The following STXBP6 variants were observed in gnomAD, a reference collection of about 807,000 sequenced individuals.
The protein encoded by STXBP6 is syntaxin binding protein 6.
STXBP6 carries 21 observed loss-of-function variants against 26.9 expected under a neutral mutation model. The observed-to-expected ratio is 0.78, with a 90% CI of 0.55 to 1.12. STXBP6 has a LOEUF of 1.12. Ranked by LOEUF, STXBP6 falls within the 50% of genes most tolerant of loss-of-function variation. The pLI, the probability that STXBP6 is intolerant of heterozygous loss-of-function variation, is 0.00. For missense variants in STXBP6, 232 were observed against 257.9 expected (o/e 0.90, Z 0.69); for synonymous variants, 97 against 92.6 (o/e 1.05, Z -0.27).
chr14:24,986,650 A>G (rs1166945066), intron 1 of STXBP6, among the ~76,000 whole-genome samples: 1 of 152,208 alleles, frequency 6.6e-6, no homozygotes. Flanking sequence ...CAGCCGCAGC[A>G]CAAAAACACC....
intron 5 of STXBP6, chr14:24,816,389 T>C (rs956259500): frequency 3.9e-5 from 6 of 151,904 alleles, no homozygotes; most frequent in Non-Finnish European, 7.3e-5. Flanking sequence ...CCTGGGAAAA[T>C]AGCCACACCT....
intron 2 of STXBP6, among the ~76,000 whole-genome samples, chr14:24,914,602 C>A (rs2071692026): frequency 6.6e-6 from 1 of 152,164 alleles, no homozygotes; most frequent in Non-Finnish European, 1.5e-5. Context: ...ATCCTGAATG[C>A]CAGGGCCGCA....
intron 1 of STXBP6, among the ~76,000 whole-genome samples, chr14:25,019,182 C>G (rs1480015093): frequency 2.0e-5 from 3 of 152,160 alleles, no homozygotes; most frequent in African/African-American, 7.2e-5. Flanking sequence ...TTATCAGAAA[C>G]TTTATGTTCT....
chr14:25,004,796 C>T lies in STXBP6; in HGVS notation c.-32-29946G>A, dbSNP rs879346616. ...GTTCACATTCCCTAGATTCTACACTCAGCTACTGGGGAGTGCGCAGCAAGA... is the reference window on the plus strand; with the variant it reads ...GTTCACATTCCCTAGATTCTACACTTAGCTACTGGGGAGTGCGCAGCAAGA... On this transcript the variant is annotated intron_variant, in intron 1 of 5. Transcript: ENST00000323944. Among the ~76,000 whole-genome samples the T allele has an allele frequency of 2.6e-5, 4 of 152,174 alleles. No homozygotes were observed. In the East Asian group the frequency reaches 5.8e-4, roughly 22 times the overall value.
intron 2 of STXBP6, among the ~76,000 whole-genome samples, chr14:24,922,456 C>T (rs899029544): frequency 2.0e-5 from 3 of 152,042 alleles, no homozygotes; most frequent in Non-Finnish European, 2.9e-5. Flanking sequence ...AAATGCAGAG[C>T]CCAAGGGTAT....
intron 1 of STXBP6, among the ~76,000 whole-genome samples, chr14:25,040,070 G>A (rs577121760): frequency 3.9e-5 from 6 of 152,238 alleles, no homozygotes; most frequent in South Asian, 4.1e-4. Context: ...TAGAGGCACC[G>A]ACCTGGGGCA....
chr14:25,042,563 T>C (rs1487548300), intron 1 of STXBP6, among the ~76,000 whole-genome samples: 1 of 152,206 alleles, frequency 6.6e-6, no homozygotes, highest in African/African-American at 2.4e-5. Context: ...GTGGCGCAGA[T>C]GTTAATTAAC....
chr14:24,920,160 C>T (rs972956185), intron 2 of STXBP6, among the ~76,000 whole-genome samples: 27 of 152,002 alleles, frequency 1.8e-4, no homozygotes, highest in African/African-American at 6.3e-4. Flanking sequence ...AGTGTACTTG[C>T]TCCTGGTACA....
At chr14:24,947,130 T>A (rs2073018615) in intron 2 of STXBP6, among the ~76,000 whole-genome samples, 1 of 152,082 alleles carries the variant, frequency 6.6e-6, no homozygotes, top group Admixed American at 6.6e-5. Context: ...AATAATCTAC[T>A]CTTGCTTAAA....
intron 1 of STXBP6, among the ~76,000 whole-genome samples, chr14:25,013,615 C>T (rs1289933369): frequency 2.0e-5 from 3 of 151,036 alleles, no homozygotes; most frequent in African/African-American, 7.3e-5. Context: ...TACCAGTTCA[C>T]AAGAAATACA....
At chr14:24,829,213 G>A (rs2068380536) in intron 4 of STXBP6, among the ~76,000 whole-genome samples, 1 of 152,114 alleles carries the variant, frequency 6.6e-6, no homozygotes, top group Non-Finnish European at 1.5e-5. Context: ...GGTGTTGCTT[G>A]TTCATTACAG....
chr14:24,904,053 C>G (rs899127777), intron 2 of STXBP6, among the ~76,000 whole-genome samples: 3 of 152,158 alleles, frequency 2.0e-5, no homozygotes, highest in African/African-American at 7.2e-5. Context: ...CATTCAGTCA[C>G]ACAACTCAAG....
Position 24,884,643 on chromosome 14 carries a change from A to G in STXBP6, c.155-27486T>C, listed in dbSNP as rs144405960. On this transcript the variant is annotated intron_variant, in intron 2 of 5. Coordinates refer to ENST00000323944, the MANE Select transcript of STXBP6 (RefSeq NM_001394410.1). ...CTGTGTCTTCTCCCAAAGCATACAC[A>G]TAGAATGACTTTGCACCAAAGTAGT... Among the ~76,000 whole-genome samples the G allele has an allele frequency of 3.4e-3, 516 of 152,362 alleles. 2 individuals are homozygous for G. The highest frequency in any genetic ancestry group is 0.012 in the African/African-American group (488 of 41,584).
chr14:24,894,930 C>G (rs1476050326), intron 2 of STXBP6, among the ~76,000 whole-genome samples: 2 of 151,608 alleles, frequency 1.3e-5, no homozygotes, highest in African/African-American at 4.9e-5. Flanking sequence ...TTCTCTAGCT[C>G]CTTCCATATC....
At chr14:24,933,167 C>G (rs966796568) in intron 2 of STXBP6, among the ~76,000 whole-genome samples, 3 of 152,020 alleles carry the variant, frequency 2.0e-5, no homozygotes, top group South Asian at 4.2e-4. Flanking sequence ...ATGGTGACAC[C>G]CTGTCCCTAT....
chr14:25,020,883 T>G (rs1166961772), intron 1 of STXBP6, among the ~76,000 whole-genome samples: 1 of 152,206 alleles, frequency 6.6e-6, no homozygotes, highest in Non-Finnish European at 1.5e-5. Flanking sequence ...AGATGATGCC[T>G]ACTGTATCTC....
chr14:24,841,084 C>CT (rs2068770167), intron 4 of STXBP6, among the ~76,000 whole-genome samples: 1 of 152,162 alleles, frequency 6.6e-6, no homozygotes, highest in Non-Finnish European at 1.5e-5. Flanking sequence ...CACTCCTACC[C>CT]TTTGGGTTCA....
chr14:24,859,879 G>A lies in STXBP6; in HGVS notation c.155-2722C>T, dbSNP rs1053508938. Among the ~76,000 whole-genome samples, 8 of 152,268 alleles carry A rather than the reference G, an allele frequency of 5.3e-5. No individual in the cohort carries two copies. In the East Asian group the frequency reaches 7.7e-4, roughly 15 times the overall value. On this transcript the variant is annotated intron_variant, in intron 2 of 5. Transcript: ENST00000323944. The stretch of plus-strand genomic sequence containing the variant: ...ACCACTCTGAAGCAGCCGATTCTCC[G>A]GCTTCCTGCACTGGTATCAGAGGCA...
chr14:24,981,945 G>T (rs1465764049), intron 1 of STXBP6, among the ~76,000 whole-genome samples: 1 of 152,104 alleles, frequency 6.6e-6, no homozygotes, highest in Non-Finnish European at 1.5e-5. Flanking sequence ...AAACAAGGAG[G>T]TTATAAAACA....
Sources: gnomAD v4.1 joint callset for allele counts (sites outside exome capture counted in the v4.1 genomes callset) on GRCh38, gnomAD v4.1.1 for gene constraint, MANE v1.5 for transcripts, NCBI Gene and HGNC (gene_info 2026-07-23, HGNC 2026-07-21) for gene names.